TLE3: variants seen among roughly 807,000 people sequenced by gnomAD.
TLE3 encodes the protein transducin-like enhancer protein 3.
TLE3 carries 14 observed loss-of-function variants against 93.0 expected under a neutral mutation model. The ratio of observed to expected loss-of-function variants is 0.15; its 90% CI spans 0.10 to 0.24. TLE3 has a LOEUF of 0.24. Ranked by LOEUF, TLE3 falls within the 10% of genes least tolerant of loss-of-function variation. The pLI is 1.00. For missense variants in TLE3, 693 were observed against 1,046.6 expected (o/e 0.66, Z 4.66); for synonymous variants, 451 against 425.0 (o/e 1.06, Z -0.75).
intron 14 of TLE3, chr15:70,055,744 T>C (rs1286400392): frequency 5.2e-6 from 1 of 193,530 alleles, no homozygotes; most frequent in Non-Finnish European, 1.1e-5. Flanking sequence ...GCCTGCTGTT[T>C]CAGGCTCTGG....
rs555684786 is a variant in TLE3, at chr15:70,051,487, G to C, written c.2126-20C>G. 135 of 1,594,964 alleles carry C rather than the reference G, an allele frequency of 8.5e-5. No individual in the cohort carries two copies. The highest frequency in any genetic ancestry group is 5.0e-4 in the Middle Eastern group (3 of 6,056). ...ACTTGCCTGCAGGTGGGAGGCAAAG[G>C]CATGATCAGGTTGTAGCTCACTGCC... On this transcript the variant is annotated intron_variant, in intron 18 of 19. Transcript: ENST00000451782.
rs56687514 is a variant in TLE3, at chr15:70,053,653, G to A, written c.1827-279C>T. ...CCTTGCACTAGCCTTCTGAGACTGA[G>A]TCCCTCCAGGGTGGGCCTCTGGAGG... On this transcript the variant is annotated intron_variant, in intron 16 of 19. Coordinates refer to ENST00000451782, the MANE Select transcript of TLE3 (RefSeq NM_001105192.3). The A allele has an allele frequency of 3.3e-3, 911 of 279,270 alleles. 6 individuals are homozygous for A. The highest frequency in any genetic ancestry group is 0.019 in the African/African-American group (869 of 46,152). The allele number at this position is 279,270 out of a possible 1,614,324, so 17.3% of individuals were successfully genotyped here.
intron 4 of TLE3, among the ~76,000 whole-genome samples, chr15:70,090,971 G>C (rs917525529): frequency 6.6e-6 from 1 of 152,200 alleles, no homozygotes; most frequent in African/African-American, 2.4e-5. Context: ...GAATACACTA[G>C]AAAAGGAGCA....
Position 70,057,445 on chromosome 15 carries a change from A to G in TLE3, c.1251+14T>C, listed in dbSNP as rs1056362807. 2 of 1,584,242 alleles carry G rather than the reference A, an allele frequency of 1.3e-6. No homozygotes were observed. The highest frequency in any genetic ancestry group is 1.7e-6 in the Non-Finnish European group (2 of 1,164,736). ...CGCCCAGTCCCCAAGAAAGGAGCCA[A>G]AAGGTCTACGTACAGCTCCAAAGCT... On this transcript the variant is annotated intron_variant, in intron 13 of 19. Transcript: ENST00000451782.
chr15:70,095,853 G>C (rs2058529167), intron 2 of TLE3: 4 of 652,994 alleles, frequency 6.1e-6, no homozygotes, highest in Non-Finnish European at 7.7e-6. Context: ...CGAGCCAAAG[G>C]ACTTATCACG....
At position 70,097,768 on chromosome 15, in the gene TLE3, CACACACACCCA is replaced by C. The variant is rs2058630711; in HGVS notation, c.-981_-971del. 2.5e-6 allele frequency: 1 copy of C among 392,890 alleles called. No individual in the cohort carries two copies. Among genetic ancestry groups the C allele is most frequent in the Admixed American group, 4.4e-5 (1 of 22,508 alleles). 24.3% of individuals were successfully genotyped at this position (392,890 alleles called of 1,614,324 possible). On this transcript the variant is annotated 5_prime_UTR_variant, in exon 1 of 20. Coordinates refer to ENST00000451782, the MANE Select transcript of TLE3 (RefSeq NM_001105192.3). ...TCCGCGCCCCGGCAAACCCCCAAAA[CACACACACCCA>C]ACACACACACACGCGCGCACGCACA...
At chr15:70,078,361 A>C (rs1222630722) in intron 4 of TLE3, among the ~76,000 whole-genome samples, 1 of 152,244 alleles carries the variant, frequency 6.6e-6, no homozygotes, top group Non-Finnish European at 1.5e-5. Flanking sequence ...CATGCACCAA[A>C]TAAGAATAGA....
Position 70,056,915 on chromosome 15 carries a change from AT to A in TLE3, c.1252-542del, listed in dbSNP as rs201308528. The stretch of plus-strand genomic sequence containing the variant: ...TAGCGCCTGCCACCACGCCCGGCTA[AT>A]TTTTGTATTTTTAGTAGAGATGAGG... On this transcript the variant is annotated intron_variant, in intron 13 of 19. Transcript: ENST00000451782. 2.0e-4 allele frequency among the ~76,000 whole-genome samples: 31 copies of A among 151,978 alleles called. No individual in the cohort carries two copies. In the South Asian group the frequency reaches 4.0e-3, roughly 19 times the overall value.
chr15:70,077,888 C>G (rs2057529682), intron 4 of TLE3, among the ~76,000 whole-genome samples: 1 of 152,242 alleles, frequency 6.6e-6, no homozygotes, highest in Non-Finnish European at 1.5e-5. Flanking sequence ...ATGGCCCCCA[C>G]TTCCAAACTG....
chr15:70,060,999 C>T (rs549778091), intron 8 of TLE3, among the ~76,000 whole-genome samples: 4 of 152,198 alleles, frequency 2.6e-5, no homozygotes, highest in South Asian at 2.1e-4. Context: ...ACCCATCTCG[C>T]GCTTGCCACA....
Position 70,057,909 on chromosome 15 carries a change from T to G in TLE3, c.1051+250A>C, listed in dbSNP as rs76364054. On this transcript the variant is annotated intron_variant, in intron 12 of 19. Transcript: ENST00000451782. ...GGGCTTGCTTAGAGCCTCACTGGAC[T>G]AATGACAGGGGTGGGAACAGATTTT... The G allele has an allele frequency of 1.5e-3, 1,092 of 717,724 alleles. 7 individuals are homozygous for G. In the African/African-American group the frequency reaches 0.018, roughly 12 times the overall value. The allele number at this position is 717,724 out of a possible 1,614,324, so 44.5% of individuals were successfully genotyped here. A position where few individuals can be genotyped will look rare whatever the true frequency, so the allele number is the denominator to read the frequency against.
chr15:70,049,814 G>C lies in TLE3; in HGVS notation c.*283C>G, dbSNP rs2055363232. 2 of 332,462 alleles carry C rather than the reference G, an allele frequency of 6.0e-6. No homozygotes were observed. The highest frequency in any genetic ancestry group is 8.2e-5 in the South Asian group (2 of 24,420). The allele number at this position is 332,462 out of a possible 1,614,324, so 20.6% of individuals were successfully genotyped here. A position where few individuals can be genotyped will look rare whatever the true frequency, so the allele number is the denominator to read the frequency against. On this transcript the variant is annotated 3_prime_UTR_variant, in exon 20 of 20. Transcript: ENST00000451782. ...CATGAGCGGGTCTGTGGGGGAACCG[G>C]AGCCATAAGCCTCCAATAAATCTAT...
At chr15:70,096,495 G>A in intron 1 of TLE3, 1 of 1,190,622 alleles carries the variant, frequency 8.4e-7, no homozygotes, top group Non-Finnish European at 1.2e-6. Flanking sequence ...CAGTAAGGCG[G>A]GGGCGGGAGA....
chr15:70,095,766 T>G, intron 2 of TLE3, 125 bp from the exon 3 acceptor site: 7 of 1,175,142 alleles, frequency 6.0e-6, no homozygotes, highest in Non-Finnish European at 7.1e-6. Flanking sequence ...GCCCCCATTA[T>G]CCCACAGCCT....
At position 70,058,491 on chromosome 15, in the gene TLE3, A is replaced by C. The variant is rs1459235364; in HGVS notation, c.918+172T>G. The C allele has an allele frequency of 7.8e-7, 1 of 1,283,926 alleles. No individual in the cohort carries two copies. The highest frequency in any genetic ancestry group is 1.1e-6 in the Non-Finnish European group (1 of 949,200). 79.5% of individuals were successfully genotyped at this position (1,283,926 alleles called of 1,614,324 possible). ...TCCCATTTTACAGACGTAGCAACCG[A>C]GGCTCAGAAACGTTAACTCATTAGC... On this transcript the variant is annotated intron_variant, in intron 11 of 19. Coordinates refer to ENST00000451782, the MANE Select transcript of TLE3 (RefSeq NM_001105192.3). The surrounding 1 kb of genome is among the most constrained non-coding windows in gnomAD (Gnocchi z 4.1).
At chr15:70,068,978 G>T (rs1682080753) in intron 6 of TLE3, among the ~76,000 whole-genome samples, 1 of 152,232 alleles carries the variant, frequency 6.6e-6, no homozygotes, top group Non-Finnish European at 1.5e-5. Context: ...ACCTCTCTGT[G>T]TTGTGCCAGG....
intron 4 of TLE3, among the ~76,000 whole-genome samples, chr15:70,082,406 G>T (rs907718251): frequency 6.6e-6 from 1 of 152,154 alleles, no homozygotes; most frequent in African/African-American, 2.4e-5. Context: ...GCTCTGAGGG[G>T]AAGCAGTGCT....
chr15:70,089,823 T>C (rs1048156515), intron 4 of TLE3, among the ~76,000 whole-genome samples: 1 of 152,224 alleles, frequency 6.6e-6, no homozygotes, highest in Non-Finnish European at 1.5e-5. Flanking sequence ...ATTCCTTGAC[T>C]GACTCACTCC....
At chr15:70,072,452 G>A (rs775293634) in intron 6 of TLE3, among the ~76,000 whole-genome samples, 100 of 152,200 alleles carry the variant, frequency 6.6e-4, no homozygotes, top group Non-Finnish European at 1.2e-3. Flanking sequence ...GAGAAATGTC[G>A]GAAAACAGAA....
Sources: allele counts gnomAD v4.1 joint callset (sites outside exome capture counted in the v4.1 genomes callset), GRCh38; gene constraint gnomAD v4.1.1; non-coding constraint Gnocchi (gnomAD v3.1); transcripts MANE v1.5; gene names NCBI Gene and HGNC (gene_info 2026-07-23, HGNC 2026-07-21).